The following USP44 variants were observed in gnomAD, a reference collection of about 807,000 sequenced individuals.
The protein encoded by USP44 is ubiquitin specific peptidase 44.
A neutral mutation model predicts 69.0 loss-of-function variants in USP44; 61 were observed. The observed-to-expected ratio is 0.88, with a 90% CI of 0.72 to 1.09. The LOEUF is 1.09. USP44 is among the 50% of genes least tolerant of loss of function. The pLI is 0.00. For synonymous variants in USP44, 297 were observed against 295.4 expected (o/e 1.01, Z -0.06); for missense variants, 753 against 849.9 (o/e 0.89, Z 1.42).
Position 95,533,341 on chromosome 12 carries a change from G to T in USP44, c.916C>A (p.Leu306Met), listed in dbSNP as rs1333050179. The change falls in exon 2 of 6, where the codon CTG becomes ATG. Residue 306 changes from leucine (L) to methionine (M), a missense_variant. Transcript: ENST00000258499. ...GCAGTCATAGCCAGCCATTGGTTCA[G>T]ATCAAGCTTTAAAAAACATTGTCGA... ...IFRQCFLKLD[L>M]NQWLAMTASE... 2.5e-6 allele frequency: 4 copies of T among 1,613,694 alleles called. No homozygotes were observed. In the African/African-American group the frequency reaches 5.3e-5, roughly 22 times the overall value.
Position 95,533,716 on chromosome 12 carries a change from G to T in USP44, c.541C>A (p.Gln181Lys). Residue 181 changes from glutamine to lysine, a missense_variant, in exon 2 of 6, where the codon CAG becomes AAG. Coordinates refer to ENST00000258499, the MANE Select transcript of USP44 (RefSeq NM_032147.5). ...IGRKKQEEPF[Q>K]EKIVVKREVK... is the part of the protein sequence containing the mutation. ...TCTCTTTTTACTACTATTTTTTCCT[G>T]AAATGGTTCTTCTTGCTTTTTTCTT... The T allele has an allele frequency of 6.2e-7, 1 of 1,613,722 alleles. No homozygotes were observed. Among genetic ancestry groups the T allele is most frequent in the Non-Finnish European group, 8.5e-7 (1 of 1,179,946 alleles).
chr12:95,550,183 G>GAAAAAAAAAAAAAAAA (rs570350053), intron 1 of USP44, among the ~76,000 whole-genome samples: 1 of 93,354 alleles, frequency 1.1e-5, no homozygotes, highest in Non-Finnish European at 2.2e-5. Flanking sequence ...CTCCGTCTCA[G>GAAAAAAAAAAAAAAAA]AAAAAAAAAA....
intron 5 of USP44, among the ~76,000 whole-genome samples, chr12:95,520,643 G>C (rs1377952284): frequency 6.6e-6 from 1 of 152,172 alleles, no homozygotes; most frequent in Non-Finnish European, 1.5e-5. Context: ...TGATCCCCCA[G>C]TTCATTAGGT....
intron 1 of USP44, chr12:95,546,913 T>C (rs576852184): frequency 3.3e-5 from 5 of 152,276 alleles, no homozygotes; most frequent in Admixed American, 2.0e-4. Context: ...AACGCTGTAA[T>C]AGATTCAAGT....
chr12:95,529,336 A>C (rs548938249), intron 2 of USP44, among the ~76,000 whole-genome samples: 1 of 152,118 alleles, frequency 6.6e-6, no homozygotes, highest in Non-Finnish European at 1.5e-5. Flanking sequence ...ATATCTATGT[A>C]TACATAGATA....
In USP44 at chr12:95,520,633, T is replaced by C. The variant is rs141452922; in HGVS notation, c.1939+364A>G. Among the ~76,000 whole-genome samples the C allele has an allele frequency of 7.4e-4, 113 of 152,340 alleles. 1 individual carries two copies. The highest frequency in any genetic ancestry group is 2.5e-3 in the African/African-American group (104 of 41,584). On this transcript the variant is annotated intron_variant, in intron 5 of 5. Transcript: ENST00000258499. Reference sequence around the variant, plus strand: ...ACGCAGTGTTTGTTCCAAATATCTATGATCCCCCAGTTCATTAGGTACCCT... The same window carrying C: ...ACGCAGTGTTTGTTCCAAATATCTACGATCCCCCAGTTCATTAGGTACCCT...
Position 95,534,043 on chromosome 12 carries a change from C to T in USP44, c.214G>A (p.Val72Met). 6.2e-7 allele frequency: 1 copy of T among 1,614,152 alleles called. No homozygotes were observed. Among genetic ancestry groups the T allele is most frequent in the Non-Finnish European group, 8.5e-7 (1 of 1,180,026 alleles). ...TAACAAAAAACGTACATCTCATTCA[C>T]CTCCAATGCAACAGGATGACTGCTT... is the stretch of plus-strand genomic sequence containing the variant. ...QESSHPVALE[V>M]NEMYVFCYLC... Residue 72 changes from valine (V) to methionine (M), a missense_variant, in exon 2 of 6, where the codon GTG becomes ATG. Transcript: ENST00000258499.
chr12:95,541,499 A>T (rs1168962814), intron 1 of USP44, among the ~76,000 whole-genome samples: 1 of 152,004 alleles, frequency 6.6e-6, no homozygotes, highest in Non-Finnish European at 1.5e-5. Context: ...GGATCACCTA[A>T]GCATGGGGAG....
At chr12:95,520,911 T>C (rs7974596) in intron 5 of USP44, 86 bp downstream of exon 5, 298,132 of 1,257,244 alleles carry the variant, frequency 0.24, 40,418 homozygotes, top group Admixed American at 0.51. Flanking sequence ...TTGTTTATGA[T>C]TTAGTAGTCA....
chr12:95,540,342 CTT>C (rs61446138), intron 1 of USP44, among the ~76,000 whole-genome samples: 70 of 130,058 alleles, frequency 5.4e-4, no homozygotes, highest in Middle Eastern at 4.2e-3. Context: ...TTCCATCCAT[CTT>C]TTTTTTTTTT....
intron 1 of USP44, among the ~76,000 whole-genome samples, chr12:95,550,005 C>T (rs1309834773): frequency 6.6e-6 from 1 of 151,870 alleles, no homozygotes; most frequent in African/African-American, 2.4e-5. Flanking sequence ...ATAGTGAAAC[C>T]CTGTCTCTAC....
In USP44 at chr12:95,517,058, G is replaced by GTATT. The variant is rs1555194849; in HGVS notation, c.*1092_*1095dup. 3.6e-5 allele frequency: 5 copies of GTATT among 139,776 alleles called. No individual in the cohort carries two copies. The highest frequency in any genetic ancestry group is 1.4e-4 in the African/African-American group (5 of 34,526). The allele number at this position is 139,776 out of a possible 1,614,324, so 8.7% of individuals were successfully genotyped here. ...AAGAAGAAAAAGAGTGACTCACACT[G>GTATT]TATTTTTTTTTGTGCAAGTTTAGAT... On this transcript the variant is annotated 3_prime_UTR_variant, in exon 6 of 6. Coordinates refer to ENST00000258499, the MANE Select transcript of USP44 (RefSeq NM_032147.5).
Position 95,518,009 on chromosome 12 carries a change from T to A in USP44, c.*145A>T. On this transcript the variant is annotated 3_prime_UTR_variant, in exon 6 of 6. Coordinates refer to ENST00000258499, the MANE Select transcript of USP44 (RefSeq NM_032147.5). ...CTTCAGTTGATATATACATTTATACTTTGTAAAAAAAAAAATTGTTAGATA... is the reference window on the plus strand; with the variant it reads ...CTTCAGTTGATATATACATTTATACATTGTAAAAAAAAAAATTGTTAGATA... The A allele has an allele frequency of 1.2e-6, 1 of 869,052 alleles. No individual in the cohort carries two copies. Among genetic ancestry groups the A allele is most frequent in the Non-Finnish European group, 1.7e-6 (1 of 594,078 alleles). The allele number at this position is 869,052 out of a possible 1,614,324, so 53.8% of individuals were successfully genotyped here.
chr12:95,550,183 GAA>G (rs570350053), intron 1 of USP44, among the ~76,000 whole-genome samples: 34,688 of 92,620 alleles, frequency 0.37, 3,652 homozygotes, highest in Admixed American at 0.46. Context: ...CTCCGTCTCA[GAA>G]AAAAAAAAAA....
intron 1 of USP44, among the ~76,000 whole-genome samples, chr12:95,542,455 TATG>T (rs2140355145): frequency 6.6e-6 from 1 of 152,306 alleles, no homozygotes; most frequent in East Asian, 1.9e-4. Flanking sequence ...TCATCCTCTT[TATG>T]ATATTTGAAT....
At chr12:95,530,917 C>T (rs1342257308) in intron 2 of USP44, among the ~76,000 whole-genome samples, 1 of 152,200 alleles carries the variant, frequency 6.6e-6, no homozygotes, top group Non-Finnish European at 1.5e-5. Flanking sequence ...GTAATCCCAG[C>T]ACTTTGGGAG....
chr12:95,536,919 A>T (rs950647137), intron 1 of USP44, among the ~76,000 whole-genome samples: 9 of 152,160 alleles, frequency 5.9e-5, no homozygotes, highest in African/African-American at 1.9e-4. Context: ...GGTACCTGGG[A>T]CTCAGAGAAT....
intron 1 of USP44, among the ~76,000 whole-genome samples, chr12:95,544,386 T>A (rs2077505819): frequency 6.6e-6 from 1 of 152,152 alleles, no homozygotes; most frequent in Admixed American, 6.5e-5. Flanking sequence ...AATAAACTTT[T>A]CAGCCAGCCA....
At chr12:95,525,689 T>C (rs1188836894) in intron 3 of USP44, among the ~76,000 whole-genome samples, 1 of 152,200 alleles carries the variant, frequency 6.6e-6, no homozygotes, top group African/African-American at 2.4e-5. Flanking sequence ...TTTTGCTCTT[T>C]TAGCACTAGA....
Sources: allele counts gnomAD v4.1 joint callset (sites outside exome capture counted in the v4.1 genomes callset), GRCh38; gene constraint gnomAD v4.1.1; transcripts MANE v1.5; gene names NCBI Gene and HGNC (gene_info 2026-07-23, HGNC 2026-07-21).